Variants in KCNG4 observed in about 807,000 individuals in gnomAD.
KCNG4 encodes potassium voltage-gated channel modifier subfamily G member 4, also known as voltage-gated potassium channel regulatory subunit KCNG4.
KCNG4 carries 30 observed loss-of-function variants against 28.2 expected under a neutral mutation model. The ratio of observed to expected loss-of-function variants is 1.06; its 90% CI spans 0.80 to 1.44. KCNG4 has a LOEUF of 1.44. Among genes scored for constraint, KCNG4 ranks in the 40% most tolerant of loss-of-function variants. The pLI is 0.00. For synonymous variants in KCNG4, 375 were observed against 315.5 expected (o/e 1.19, Z -2.00); for missense variants, 879 against 712.3 (o/e 1.23, Z -2.66).
In KCNG4 at chr16:84,237,171, G is replaced by A. The variant is rs754613945; in HGVS notation, c.315C>T (p.Asp105=). ...EEIVQLCDDY[D]EDSQEFFFDR... The stretch of plus-strand genomic sequence containing the variant: ...CGAAGAAGAACTCCTGGCTGTCCTC[G>A]TCGTAATCATCGCAGAGCTGCACGA... The change falls in exon 2 of 3, where the codon GAC becomes GAT. Residue 105 remains aspartate (D), a synonymous_variant. Coordinates refer to ENST00000308251, the MANE Select transcript of KCNG4 (RefSeq NM_172347.3). 21 of 1,614,098 alleles carry A rather than the reference G, an allele frequency of 1.3e-5. No homozygotes were observed. The East Asian group carries it at 2.9e-4, about 22-fold the overall frequency.
rs4782906 is a variant in KCNG4 at position 84,226,737 on chromosome 16, G to C, written c.757-3717C>G. 0.11 allele frequency among the ~76,000 whole-genome samples: 16,446 copies of C among 151,140 alleles called. 1,217 individuals are homozygous for C. The highest frequency in any genetic ancestry group is 0.2 in the African/African-American group (8,318 of 41,132). ...CTACTAAAAATACAAAAATTAGCCA[G>C]GCATGGTGACACATGCCTGTAATCC... On this transcript the variant is annotated intron_variant, in intron 2 of 2. Coordinates refer to ENST00000308251, the MANE Select transcript of KCNG4 (RefSeq NM_172347.3). This position sits in a 1 kb window ranked among gnomAD's most constrained non-coding sequence, Gnocchi z 4.1.
At chr16:84,237,729 C>T (rs138979421) in intron 1 of KCNG4, among the ~76,000 whole-genome samples, 2 of 152,280 alleles carry the variant, frequency 1.3e-5, no homozygotes, top group East Asian at 3.9e-4. Flanking sequence ...AAAAACCCTT[C>T]CCTGGTGGAA....
At chr16:84,228,137 G>T (rs559758265) in intron 2 of KCNG4, among the ~76,000 whole-genome samples, 1 of 152,238 alleles carries the variant, frequency 6.6e-6, no homozygotes, top group Non-Finnish European at 1.5e-5. Context: ...CTTCCTGAGG[G>T]CAAAGCTGCT....
At chr16:84,228,897 G>C (rs71404153) in intron 2 of KCNG4, among the ~76,000 whole-genome samples, 1,942 of 152,352 alleles carry the variant, frequency 0.013, 32 homozygotes, top group Non-Finnish European at 0.018. Context: ...CTGCCCTCCG[G>C]TTCATGCCCT....
intron 2 of KCNG4, among the ~76,000 whole-genome samples, chr16:84,233,867 G>A (rs760610423): frequency 7.9e-5 from 12 of 152,172 alleles, no homozygotes; most frequent in Non-Finnish European, 1.8e-4. Flanking sequence ...CCAATCAGAG[G>A]TGAGTTCAAA....
At chr16:84,232,831 A>T (rs1904857291) in intron 2 of KCNG4, among the ~76,000 whole-genome samples, 1 of 146,908 alleles carries the variant, frequency 6.8e-6, no homozygotes, top group African/African-American at 2.6e-5. Flanking sequence ...CCTGTGAGTC[A>T]GAGGCTGCAG....
At position 84,236,899 on chromosome 16, in the gene KCNG4, T is replaced by G; in HGVS notation, c.587A>C (p.His196Pro). The G allele has an allele frequency of 6.2e-7, 1 of 1,613,390 alleles. No homozygotes were observed. The highest frequency in any genetic ancestry group is 1.7e-4 in the Middle Eastern group (1 of 6,060). The change falls in exon 2 of 3, where the codon CAC becomes CCC. Residue 196 changes from histidine to proline, a missense_variant. His to Pro is a moderately conservative substitution (Grantham distance 77). Transcript: ENST00000308251. ...CATGCACAGGCCCCAGCGCGAGGAG[T>G]GCGAGGCGGGGCGGCGGGTCTCCCT... is the stretch of plus-strand genomic sequence containing the variant. ...QQRETRRPASHSSRWGLCMNR... is the reference protein window; with the variant it reads ...QQRETRRPASPSSRWGLCMNR...
At position 84,221,736 on chromosome 16, in the gene KCNG4, G is replaced by T. The variant is rs1030445229; in HGVS notation, c.*481C>A. The T allele has an allele frequency of 7.4e-5, 12 of 161,304 alleles. No homozygotes were observed. Among genetic ancestry groups the T allele is most frequent in the Admixed American group, 5.7e-4 (10 of 17,406 alleles). 10.0% of individuals were successfully genotyped at this position (161,304 alleles called of 1,614,324 possible). ...TTGATCCCTCTGGAACCCGTGGAAA[G>T]GTTGGGTGGGGAGATCTGATTAGAG... is the stretch of plus-strand genomic sequence containing the variant. On this transcript the variant is annotated 3_prime_UTR_variant, in exon 3 of 3. Transcript: ENST00000308251.
At chr16:84,233,933 G>A (rs371580771) in intron 2 of KCNG4, among the ~76,000 whole-genome samples, 7 of 152,050 alleles carry the variant, frequency 4.6e-5, no homozygotes, top group African/African-American at 1.4e-4. Flanking sequence ...TCTGAGCCTC[G>A]GTTTCCTCAT....
chr16:84,233,000 A>G (rs1904862636), intron 2 of KCNG4, among the ~76,000 whole-genome samples: 1 of 152,002 alleles, frequency 6.6e-6, no homozygotes, highest in Non-Finnish European at 1.5e-5. Context: ...GGACTTTAGT[A>G]GGCAGTCAAT....
chr16:84,236,675 C>CTCCGCCCA, intron 2 of KCNG4, 55 bp downstream of exon 2: 1 of 1,531,174 alleles, frequency 6.5e-7, no homozygotes, highest in Non-Finnish European at 8.8e-7. Flanking sequence ...TAAAAGACAT[C>CTCCGCCCA]TCCGCCCAGG....
chr16:84,231,022 T>A (rs1003086941), intron 2 of KCNG4, among the ~76,000 whole-genome samples: 6 of 152,192 alleles, frequency 3.9e-5, no homozygotes, highest in African/African-American at 1.4e-4. Flanking sequence ...GCCCCTGACT[T>A]GGCCATTGCT....
chr16:84,229,672 C>T (rs1904780613), intron 2 of KCNG4, among the ~76,000 whole-genome samples: 1 of 152,096 alleles, frequency 6.6e-6, no homozygotes, highest in Non-Finnish European at 1.5e-5. Context: ...TGGGTGGTGG[C>T]GTCTGCATGG....
Position 84,236,949 on chromosome 16 carries a change from G to A in KCNG4, c.537C>T (p.His179=). Residue 179 remains histidine (H), a synonymous_variant, in exon 2 of 3, where the codon CAC becomes CAT. Coordinates refer to ENST00000308251, the MANE Select transcript of KCNG4 (RefSeq NM_172347.3). ...LEELEELAKL[H]REDVLRQQRE... is the part of the protein sequence containing the mutation. ...TCTGCTGCCTCAGTACGTCCTCCCT[G>A]TGCAGCTTGGCCAGCTCCTCCAGCT... 2 of 1,613,548 alleles carry A rather than the reference G, an allele frequency of 1.2e-6. No homozygotes were observed. The highest frequency in any genetic ancestry group is 3.3e-5 in the Admixed American group (2 of 60,026).
At position 84,220,480 on chromosome 16, in the gene KCNG4, G is replaced by C. The variant is rs1253186416; in HGVS notation, c.*1737C>G. ...GCTGTCTGGCATTGCCATCAGTGGA[G>C]GACTATGCCTGGCACACAGCGGGAA... On this transcript the variant is annotated 3_prime_UTR_variant, in exon 3 of 3. Coordinates refer to ENST00000308251, the MANE Select transcript of KCNG4 (RefSeq NM_172347.3). 1 of 152,272 alleles carries C rather than the reference G, an allele frequency of 6.6e-6. No individual in the cohort carries two copies. The highest frequency in any genetic ancestry group is 1.5e-5 in the Non-Finnish European group (1 of 68,070). 9.4% of individuals were successfully genotyped at this position (152,272 alleles called of 1,614,324 possible).
intron 2 of KCNG4, among the ~76,000 whole-genome samples, chr16:84,233,379 G>A (rs1904871344): frequency 6.6e-6 from 1 of 152,172 alleles, no homozygotes; most frequent in Non-Finnish European, 1.5e-5. Flanking sequence ...CTGAGGCTGA[G>A]GTTCTAGACT....
chr16:84,234,738 C>T (rs1904906833), intron 2 of KCNG4, among the ~76,000 whole-genome samples: 1 of 152,158 alleles, frequency 6.6e-6, no homozygotes, highest in Admixed American at 6.5e-5. Flanking sequence ...TGGGCACTGC[C>T]TGTCCCCAGA....
chr16:84,229,841 A>G (rs1198942569), intron 2 of KCNG4, among the ~76,000 whole-genome samples: 1 of 152,246 alleles, frequency 6.6e-6, no homozygotes, highest in Non-Finnish European at 1.5e-5. Flanking sequence ...AGCTGCAGGA[A>G]AAAAACAAAA....
In KCNG4 at chr16:84,234,458, C is replaced by T. The variant is rs565117769; in HGVS notation, c.756+2272G>A. Among the ~76,000 whole-genome samples, 74 of 152,310 alleles carry T rather than the reference C, an allele frequency of 4.9e-4. 1 individual carries two copies. Among genetic ancestry groups the T allele is most frequent in the Middle Eastern group, 6.8e-3 (2 of 294 alleles). On this transcript the variant is annotated intron_variant, in intron 2 of 2. Transcript: ENST00000308251. The stretch of plus-strand genomic sequence containing the variant: ...CTTCCCAGAGTGCTGAGCTTACAGG[C>T]GTGAGCCACTGCACCCAGCCTCCAT...
Sources: gnomAD v4.1 joint callset for allele counts (sites outside exome capture counted in the v4.1 genomes callset) on GRCh38, gnomAD v4.1.1 for gene constraint, Gnocchi (gnomAD v3.1) non-coding constraint, MANE v1.5 for transcripts, NCBI Gene and HGNC (gene_info 2026-07-23, HGNC 2026-07-21) for gene names.